CDH13: variants seen among roughly 807,000 people sequenced by gnomAD.
The protein encoded by CDH13 is cadherin-13.
CDH13 carries 24 observed loss-of-function variants against 63.8 expected under a neutral mutation model. That is an observed-to-expected ratio of 0.38 (90% CI 0.27 to 0.53). CDH13 has a LOEUF of 0.53. Ranked by LOEUF, CDH13 falls within the 20% of genes least tolerant of loss-of-function variation. The pLI is 0.85. For synonymous variants in CDH13, 503 were observed against 355.3 expected, an observed-to-expected ratio of 1.42 and a Z score of -4.67; for missense variants, 1,049 against 903.1, an observed-to-expected ratio of 1.16 and a Z score of -2.07.
intron 6 of CDH13, among the ~76,000 whole-genome samples, chr16:83,441,603 G>C (rs1418249569): frequency 1.3e-5 from 2 of 152,170 alleles, no homozygotes; most frequent in African/African-American, 2.4e-5. Context: ...GAGTTGGGCA[G>C]CTTTTGCAAG....
rs16959913 is a variant in CDH13, at chr16:83,250,771, G to A, written c.636+33274G>A. Among the ~76,000 whole-genome samples the A allele has an allele frequency of 4.4e-3, 671 of 152,248 alleles. 3 individuals carry two copies. Among genetic ancestry groups the A allele is most frequent in the African/African-American group, 0.015 (628 of 41,544 alleles). ...GATTTATTCTAAGTGCACATAGGAA[G>A]CACTGTAGAATTCCAGGCAGGATAC... On this transcript the variant is annotated intron_variant, in intron 5 of 13. Transcript: ENST00000567109.
intron 1 of CDH13, among the ~76,000 whole-genome samples, chr16:82,651,242 A>G (rs781084359): frequency 4.6e-5 from 7 of 152,212 alleles, no homozygotes; most frequent in African/African-American, 1.4e-4. Flanking sequence ...TCTACATATC[A>G]GGCACCCAGC....
intron 7 of CDH13, among the ~76,000 whole-genome samples, chr16:83,511,875 G>C (rs1262027004): frequency 1.3e-5 from 2 of 152,102 alleles, no homozygotes; most frequent in Non-Finnish European, 2.9e-5. Context: ...TCCTAGCTTT[G>C]AGGCCTGGGC....
chr16:83,424,536 T>C (rs796564187), intron 6 of CDH13, among the ~76,000 whole-genome samples: 6 of 152,236 alleles, frequency 3.9e-5, no homozygotes, highest in African/African-American at 1.4e-4. Flanking sequence ...AAGAGGTAAT[T>C]CTGGATGGAA....
At chr16:83,121,456 C>G (rs1362139743) in intron 3 of CDH13, among the ~76,000 whole-genome samples, 1 of 152,200 alleles carries the variant, frequency 6.6e-6, no homozygotes, top group African/African-American at 2.4e-5. Context: ...TGAGGGGGCT[C>G]ATGCCAAGTG....
At chr16:83,044,432 TG>T (rs1567776189) in intron 3 of CDH13, among the ~76,000 whole-genome samples, 1 of 152,190 alleles carries the variant, frequency 6.6e-6, no homozygotes, top group African/African-American at 2.4e-5. Context: ...TTTAGGAAGG[TG>T]GGCAAGCCCT....
intron 6 of CDH13, among the ~76,000 whole-genome samples, chr16:83,361,277 T>A (rs1412225036): frequency 6.6e-6 from 1 of 152,140 alleles, no homozygotes; most frequent in Non-Finnish European, 1.5e-5. Flanking sequence ...TTTAATAGGG[T>A]TATTTGTTTT....
chr16:83,445,191 T>C (rs1243682809), intron 6 of CDH13, among the ~76,000 whole-genome samples: 2 of 120,342 alleles, frequency 1.7e-5, no homozygotes, highest in Non-Finnish European at 4.1e-5. Context: ...ATTTGAGTAA[T>C]AGTTTTCCCA....
intron 7 of CDH13, among the ~76,000 whole-genome samples, chr16:83,548,064 G>A (rs1362563399): frequency 3.3e-5 from 5 of 151,642 alleles, no homozygotes; most frequent in Non-Finnish European, 4.4e-5. Flanking sequence ...TTATCACCTG[G>A]GCTGCTTGCT....
chr16:83,368,896 A>T (rs1426450084), intron 6 of CDH13, among the ~76,000 whole-genome samples: 14 of 31,276 alleles, frequency 4.5e-4, no homozygotes, highest in South Asian at 2.0e-3. Context: ...ATATATATAT[A>T]TATATATATA....
At chr16:83,133,685 G>C (rs1387487424) in intron 4 of CDH13, among the ~76,000 whole-genome samples, 2 of 152,096 alleles carry the variant, frequency 1.3e-5, no homozygotes, top group African/African-American at 4.8e-5. Context: ...TTTTGGTAGA[G>C]ATGGGGGTTC....
chr16:83,392,269 G>C (rs1209035474), intron 6 of CDH13, among the ~76,000 whole-genome samples: 14 of 152,182 alleles, frequency 9.2e-5, no homozygotes, highest in Admixed American at 9.2e-4. Context: ...GCATGGAGGA[G>C]GTTAAATAAC....
At chr16:83,659,110 T>A (rs991021724) in intron 8 of CDH13, among the ~76,000 whole-genome samples, 1 of 144,030 alleles carries the variant, frequency 6.9e-6, no homozygotes, top group African/African-American at 2.6e-5. Flanking sequence ...CCAGGTCCCA[T>A]ATCCTCACCA....
At chr16:82,738,181 A>ACCC (rs577711785) in intron 1 of CDH13, among the ~76,000 whole-genome samples, 162 of 152,324 alleles carry the variant, frequency 1.1e-3, no homozygotes, top group African/African-American at 3.8e-3. Flanking sequence ...AGTTTCTTGC[A>ACCC]AGAATATGAT....
chr16:83,204,741 C>G (rs1379879296), intron 4 of CDH13, among the ~76,000 whole-genome samples: 4 of 152,158 alleles, frequency 2.6e-5, no homozygotes, highest in South Asian at 2.1e-4. Flanking sequence ...AAAACAAAAG[C>G]TTGATTAAGC....
intron 6 of CDH13, among the ~76,000 whole-genome samples, chr16:83,356,479 A>C (rs1055186918): frequency 6.6e-6 from 1 of 152,166 alleles, no homozygotes; most frequent in Non-Finnish European, 1.5e-5. Context: ...CACAAATGTC[A>C]GAAAAGATTG....
chr16:82,646,874 C>G (rs1041289506), intron 1 of CDH13, among the ~76,000 whole-genome samples: 1 of 152,184 alleles, frequency 6.6e-6, no homozygotes, highest in Non-Finnish European at 1.5e-5. Flanking sequence ...AGCAGATATA[C>G]TCACAGCACG....
chr16:83,363,306 C>T (rs1471721627), intron 6 of CDH13, among the ~76,000 whole-genome samples: 3 of 151,916 alleles, frequency 2.0e-5, no homozygotes, highest in Admixed American at 1.3e-4. Flanking sequence ...CTTTGTGGCT[C>T]CAAGAAAAAG....
chr16:82,814,131 T>C (rs912889022), intron 1 of CDH13, among the ~76,000 whole-genome samples: 1 of 152,136 alleles, frequency 6.6e-6, no homozygotes, highest in African/African-American at 2.4e-5. Flanking sequence ...TAATAATAAA[T>C]ACATATTTGG....
Sources: allele counts gnomAD v4.1 joint callset (sites outside exome capture counted in the v4.1 genomes callset), GRCh38; gene constraint gnomAD v4.1.1; transcripts MANE v1.5; gene names NCBI Gene and HGNC (gene_info 2026-07-23, HGNC 2026-07-21).